The following GFM2 variants were observed in gnomAD, a reference collection of about 807,000 sequenced individuals.
The protein encoded by GFM2 is GTP dependent ribosome recycling factor mitochondrial 2, also known as ribosome-releasing factor 2, mitochondrial.
Under a neutral mutation model 95.4 loss-of-function variants are expected in GFM2, and 72 were observed. The ratio of observed to expected loss-of-function variants is 0.76; its 90% CI spans 0.62 to 0.92. GFM2 has a LOEUF of 0.92. GFM2 is among the 40% of genes least tolerant of loss of function. GFM2 has a pLI of 0.00. For synonymous variants in GFM2, 276 were observed against 317.5 expected, an observed-to-expected ratio of 0.87 and a Z score of 1.39; for missense variants, 825 against 924.1, an observed-to-expected ratio of 0.89 and a Z score of 1.39.
chr5:74,730,581 A>T, intron 16 of GFM2, 183 bp from the exon 17 acceptor site: 2 of 416,822 alleles, frequency 4.8e-6, no homozygotes, highest in Non-Finnish European at 8.4e-6. Context: ...TGGAATAATG[A>T]ATCAATAAAC....
At chr5:74,749,357 T>C (rs996503688) in intron 7 of GFM2, among the ~76,000 whole-genome samples, 6 of 152,176 alleles carry the variant, frequency 3.9e-5, no homozygotes, top group African/African-American at 1.4e-4. Context: ...GATTTCTAGT[T>C]GCTCCACATC....
At position 74,721,313 on chromosome 5, in the gene GFM2, T is replaced by C. The variant is rs1368889314; in HGVS notation, c.*342A>G. On this transcript the variant is annotated 3_prime_UTR_variant, in exon 21 of 21. Coordinates refer to ENST00000296805, the MANE Select transcript of GFM2 (RefSeq NM_032380.5). ...ACCTTTGACCCTCTATCTTATTACATTTAGAGGCCTGGCATCTTTCTTGTG... is the reference window on the plus strand; with the variant it reads ...ACCTTTGACCCTCTATCTTATTACACTTAGAGGCCTGGCATCTTTCTTGTG... The C allele has an allele frequency of 1.2e-6, 1 of 807,130 alleles. No homozygotes were observed. The allele number at this position is 807,130 out of a possible 1,614,324, so 50.0% of individuals were successfully genotyped here.
In GFM2 at chr5:74,764,733, C is replaced by T. The variant is rs111826707; in HGVS notation, c.-24-967G>A. Among the ~76,000 whole-genome samples, 273 of 147,400 alleles carry T rather than the reference C, an allele frequency of 1.9e-3. 3 individuals carry two copies. The highest frequency in any genetic ancestry group is 6.4e-3 in the African/African-American group (255 of 39,772). ...CTCTTATTTAGAAAGTCATCTAATA[C>T]TTACATTTGATTTCCTAAATATATT... On this transcript the variant is annotated intron_variant, in intron 1 of 20. Transcript: ENST00000296805.
Position 74,722,498 on chromosome 5 carries a change from T to C in GFM2, c.2092A>G (p.Arg698Gly). 3.1e-6 allele frequency: 5 copies of C among 1,613,826 alleles called. No homozygotes were observed. Among genetic ancestry groups the C allele is most frequent in the South Asian group, 2.2e-5 (2 of 91,066 alleles). ...PLMNLEVTVA[R>G]DYLSPVLADL... Reference sequence around the variant, plus strand: ...GCCAGGACAGGGCTGAGATAATCTCTAGCTACTGTAACCTCAAGATTCATC... The same window carrying C: ...GCCAGGACAGGGCTGAGATAATCTCCAGCTACTGTAACCTCAAGATTCATC... Residue 698 changes from arginine (R) to glycine (G), a missense_variant, in exon 20 of 21, where the codon AGA becomes GGA. By Grantham distance (125) the Arg-to-Gly change is moderately radical (BLOSUM62 -2). Coordinates refer to ENST00000296805, the MANE Select transcript of GFM2 (RefSeq NM_032380.5).
chr5:74,759,299 G>T, intron 4 of GFM2, 70 bp downstream of exon 4: 1 of 864,268 alleles, frequency 1.2e-6, no homozygotes, highest in Non-Finnish European at 1.9e-6. Context: ...ATTCACTCTT[G>T]TCCATCAGAA....
intron 19 of GFM2, among the ~76,000 whole-genome samples, chr5:74,724,169 C>A (rs879649311): frequency 5.3e-5 from 8 of 152,082 alleles, no homozygotes; most frequent in Non-Finnish European, 1.0e-4. Flanking sequence ...CTGGCATAAT[C>A]TTATTAAAAA....
intron 15 of GFM2, among the ~76,000 whole-genome samples, chr5:74,735,995 T>C (rs1235168734): frequency 6.6e-6 from 1 of 152,116 alleles, no homozygotes; most frequent in Non-Finnish European, 1.5e-5. Flanking sequence ...TATTATCTTC[T>C]TCCTTCCCCT....
chr5:74,733,314 A>G, intron 15 of GFM2: 1 of 400,352 alleles, frequency 2.5e-6, no homozygotes, highest in Non-Finnish European at 4.5e-6. Context: ...AACATGGCGA[A>G]ACCCCGTCTT....
At chr5:74,726,201 A>G (rs773835525) in intron 17 of GFM2, 75 bp from the exon 18 acceptor site, 24 of 988,902 alleles carry the variant, frequency 2.4e-5, no homozygotes, top group Non-Finnish European at 3.2e-5. Flanking sequence ...CAGCAAAATT[A>G]TCATCAACAA....
At chr5:74,749,311 T>G (rs538076085) in intron 7 of GFM2, among the ~76,000 whole-genome samples, 2 of 152,248 alleles carry the variant, frequency 1.3e-5, no homozygotes, top group African/African-American at 4.8e-5. Flanking sequence ...CCACCATGCC[T>G]GGCCTCTATT....
chr5:74,724,748 G>C (rs188965244), intron 19 of GFM2, among the ~76,000 whole-genome samples: 9 of 152,106 alleles, frequency 5.9e-5, no homozygotes, highest in Admixed American at 5.9e-4. Context: ...CAGAAAATTG[G>C]GTCTCAAACA....
At chr5:74,723,918 A>G (rs1478102324) in intron 19 of GFM2, among the ~76,000 whole-genome samples, 1 of 152,146 alleles carries the variant, frequency 6.6e-6, no homozygotes, top group Non-Finnish European at 1.5e-5. Context: ...TGAAATCACA[A>G]GCTCCTTTAG....
chr5:74,721,463 C>CT lies in GFM2; in HGVS notation c.*191_*192insA. ...TACAGTGGCTTTAAACATCAAAGCA[C>CT]ATTTCTCATTATATAAATTAAAACG... On this transcript the variant is annotated 3_prime_UTR_variant, in exon 21 of 21. Coordinates refer to ENST00000296805, the MANE Select transcript of GFM2 (RefSeq NM_032380.5). The CT allele has an allele frequency of 1.4e-6, 1 of 713,732 alleles. No individual in the cohort carries two copies. The highest frequency in any genetic ancestry group is 2.7e-5 in the East Asian group (1 of 37,414). 44.2% of individuals were successfully genotyped at this position (713,732 alleles called of 1,614,324 possible). A position where few individuals can be genotyped will look rare whatever the true frequency, so the allele number is the denominator to read the frequency against.
intron 17 of GFM2, among the ~76,000 whole-genome samples, chr5:74,729,670 C>T (rs1036401242): frequency 6.7e-6 from 1 of 148,164 alleles, no homozygotes; most frequent in African/African-American, 2.5e-5. Context: ...CCTGGTTATC[C>T]TAAACGTCTT....
chr5:74,746,772 G>A (rs1367521158), intron 8 of GFM2, among the ~76,000 whole-genome samples: 1 of 151,974 alleles, frequency 6.6e-6, no homozygotes, highest in East Asian at 1.9e-4. Flanking sequence ...CATTGCCAAT[G>A]GCACTGCCTG....
In GFM2 at chr5:74,736,968, G is replaced by A. The variant is rs1469648810; in HGVS notation, c.1338C>T (p.Thr446=). ...VGLKHTATGD[T]IVSSKSSALA... is the part of the protein sequence containing the mutation. ...ATGCACTGGACTTGGATGAGACAAT[G>A]GTGTCTCCAGTGGCAGTCTGCAAGC... is the stretch of plus-strand genomic sequence containing the variant. The change falls in exon 15 of 21, where the codon ACC becomes ACT. Residue 446 remains threonine (T), a synonymous_variant. Transcript: ENST00000296805. 6.2e-7 allele frequency: 1 copy of A among 1,613,294 alleles called. No homozygotes were observed. Among genetic ancestry groups the A allele is most frequent in the Non-Finnish European group, 8.5e-7 (1 of 1,179,632 alleles).
chr5:74,747,330 C>G (rs1318400630), intron 8 of GFM2, among the ~76,000 whole-genome samples: 2 of 152,146 alleles, frequency 1.3e-5, no homozygotes, highest in Non-Finnish European at 1.5e-5. Flanking sequence ...GTTCTCTATT[C>G]TCTATCTTTA....
intron 2 of GFM2, among the ~76,000 whole-genome samples, chr5:74,763,120 A>T (rs1008525780): frequency 6.6e-6 from 1 of 152,198 alleles, no homozygotes; most frequent in African/African-American, 2.4e-5. Flanking sequence ...TTTAGAAAAT[A>T]ATTTATAGTG....
chr5:74,728,900 C>T (rs1561237129), intron 17 of GFM2, among the ~76,000 whole-genome samples: 1 of 151,624 alleles, frequency 6.6e-6, no homozygotes, highest in Non-Finnish European at 1.5e-5. Flanking sequence ...GGATTATAGG[C>T]ACTCGCCACC....
Sources: gnomAD v4.1 joint callset for allele counts (sites outside exome capture counted in the v4.1 genomes callset) on GRCh38, gnomAD v4.1.1 for gene constraint, MANE v1.5 for transcripts, NCBI Gene and HGNC (gene_info 2026-07-23, HGNC 2026-07-21) for gene names.